Variants in CCDC91 observed in about 807,000 individuals in gnomAD.
CCDC91 encodes the protein coiled-coil domain-containing protein 91.
In CCDC91, 48 loss-of-function variants were observed where a neutral mutation model predicts 63.2. That is an observed-to-expected ratio of 0.76 (90% CI 0.60 to 0.97). The LOEUF (loss-of-function observed/expected upper bound fraction) is 0.97, where lower values mean the gene tolerates loss of function less well. Among genes scored for constraint, CCDC91 ranks in the 50% least tolerant of loss-of-function variants. The probability of loss-of-function intolerance (pLI) is 0.00; values close to 1 mark genes in which losing one functional copy is unlikely to be tolerated. For missense variants in CCDC91, 500 were observed against 494.6 expected (o/e 1.01, Z -0.10); for synonymous variants, 167 against 165.8 (o/e 1.01, Z -0.06).
rs1251650144 is a variant in CCDC91, at chr12:28,311,615, A to G, written c.576+3866A>G. Among the ~76,000 whole-genome samples, 3 of 152,074 alleles carry G rather than the reference A, an allele frequency of 2.0e-5. No homozygotes were observed. The East Asian group carries it at 5.8e-4, about 29-fold the overall frequency. On this transcript the variant is annotated intron_variant, in intron 6 of 12. Coordinates refer to ENST00000536442, the MANE Select transcript of CCDC91 (RefSeq NM_018318.5). ...CAGTGTCCTATAGGGACATTGTTCA[A>G]TAGGCCTACACTATGACTATTTAGA...
intron 3 of CCDC91, among the ~76,000 whole-genome samples, chr12:28,294,870 C>G (rs1229066258): frequency 6.6e-6 from 1 of 152,176 alleles, no homozygotes; most frequent in Non-Finnish European, 1.5e-5. Flanking sequence ...CAGGTTTGAG[C>G]TACTACGCTT....
intron 12 of CCDC91, among the ~76,000 whole-genome samples, chr12:28,519,745 G>A (rs1940391935): frequency 8.2e-6 from 1 of 121,384 alleles, no homozygotes; most frequent in Non-Finnish European, 1.6e-5. Flanking sequence ...ACAGGCCCCG[G>A]TGTGTGATGT....
At chr12:28,520,925 G>T (rs1203123408) in intron 12 of CCDC91, among the ~76,000 whole-genome samples, 3 of 152,036 alleles carry the variant, frequency 2.0e-5, no homozygotes, top group East Asian at 1.9e-4. Context: ...TGTTGCATTG[G>T]TCTATATCTC....
chr12:28,198,975 G>A (rs11049448), intron 1 of CCDC91: 39,450 of 150,388 alleles, frequency 0.26, 5,416 homozygotes, highest in Non-Finnish European at 0.31. Context: ...GTGTAGTGGC[G>A]CCATCATAGC....
At position 28,438,377 on chromosome 12, in the gene CCDC91, G is replaced by A. The variant is rs565018880; in HGVS notation, c.763-11784G>A. 4.6e-5 allele frequency among the ~76,000 whole-genome samples: 7 copies of A among 152,220 alleles called. No individual in the cohort carries two copies. The East Asian group carries it at 1.2e-3, about 25-fold the overall frequency. On this transcript the variant is annotated intron_variant, in intron 8 of 12. Transcript: ENST00000536442. ...GCCTTTGTCTGCTCAAGAGGACATAGCATTCATGGACCATCTTTGAAGCAG... is the reference window on the plus strand; with the variant it reads ...GCCTTTGTCTGCTCAAGAGGACATAACATTCATGGACCATCTTTGAAGCAG...
At chr12:28,272,493 T>C (rs768251835) in intron 3 of CCDC91, among the ~76,000 whole-genome samples, 14 of 151,990 alleles carry the variant, frequency 9.2e-5, no homozygotes, top group Non-Finnish European at 1.8e-4. Context: ...TTTTGGCTGT[T>C]CTGCCATCTG....
At chr12:28,385,757 C>T (rs1945560037) in intron 7 of CCDC91, among the ~76,000 whole-genome samples, 1 of 152,156 alleles carries the variant, frequency 6.6e-6, no homozygotes, top group Admixed American at 6.5e-5. Flanking sequence ...AGGCTGGAAT[C>T]AGATCTGAAA....
intron 6 of CCDC91, among the ~76,000 whole-genome samples, chr12:28,337,322 A>G (rs1355043557): frequency 6.6e-6 from 1 of 152,128 alleles, no homozygotes; most frequent in Non-Finnish European, 1.5e-5. Flanking sequence ...TACTGCTCCT[A>G]TAGCATTATC....
At chr12:28,414,974 T>C (rs1295593401) in intron 8 of CCDC91, among the ~76,000 whole-genome samples, 3 of 152,166 alleles carry the variant, frequency 2.0e-5, no homozygotes, top group Non-Finnish European at 4.4e-5. Context: ...ATTAAACTCT[T>C]TCTTTCTTTG....
At chr12:28,530,408 C>T (rs1941637016) in intron 12 of CCDC91, among the ~76,000 whole-genome samples, 2 of 152,226 alleles carry the variant, frequency 1.3e-5, no homozygotes, top group Admixed American at 1.3e-4. Context: ...GATTCTAGCT[C>T]CTAGCCTTTT....
intron 6 of CCDC91, among the ~76,000 whole-genome samples, chr12:28,326,771 C>T (rs953370839): frequency 6.6e-6 from 1 of 151,970 alleles, no homozygotes; most frequent in African/African-American, 2.4e-5. Flanking sequence ...ATAAATGAAA[C>T]CGGCTTTATT....
At chr12:28,389,321 T>C (rs1030376187) in intron 7 of CCDC91, among the ~76,000 whole-genome samples, 6 of 152,134 alleles carry the variant, frequency 3.9e-5, no homozygotes, top group African/African-American at 1.4e-4. Flanking sequence ...AAAATCCTTA[T>C]ATACCTACCT....
intron 8 of CCDC91, among the ~76,000 whole-genome samples, chr12:28,403,530 A>G (rs1170342193): frequency 6.6e-6 from 1 of 152,016 alleles, no homozygotes; most frequent in African/African-American, 2.4e-5. Flanking sequence ...CCATGACCCC[A>G]TATCTCTGGG....
chr12:28,212,836 A>G (rs1474787668), intron 1 of CCDC91, among the ~76,000 whole-genome samples: 1 of 152,240 alleles, frequency 6.6e-6, no homozygotes, highest in Non-Finnish European at 1.5e-5. Context: ...AGCAAAATTC[A>G]GTTTAATAGA....
rs368695408 is a variant in CCDC91 at position 28,455,578 on chromosome 12, G to C, written c.1101+2924G>C. Among the ~76,000 whole-genome samples, 38 of 151,930 alleles carry C rather than the reference G, an allele frequency of 2.5e-4. No individual in the cohort carries two copies. In the East Asian group the frequency reaches 6.2e-3, roughly 25 times the overall value. On this transcript the variant is annotated intron_variant, in intron 11 of 12. Transcript: ENST00000536442. ...ACAGATCATTATCTGATAACAATAA[G>C]GGAAACAATAATAGTTCCCCATGTT...
chr12:28,451,765 A>C (rs1395291153), intron 10 of CCDC91, among the ~76,000 whole-genome samples: 1 of 151,646 alleles, frequency 6.6e-6, no homozygotes, highest in Non-Finnish European at 1.5e-5. Flanking sequence ...TCATTATGAC[A>C]CCTAACCTTT....
At chr12:28,234,185 A>G (rs1287683741) in intron 1 of CCDC91, among the ~76,000 whole-genome samples, 2 of 152,192 alleles carry the variant, frequency 1.3e-5, no homozygotes, top group African/African-American at 2.4e-5. Flanking sequence ...TGAAAATGAT[A>G]TGTACATGCT....
intron 8 of CCDC91, among the ~76,000 whole-genome samples, chr12:28,411,337 T>G (rs1438781299): frequency 1.3e-5 from 2 of 152,348 alleles, no homozygotes; most frequent in African/African-American, 4.8e-5. Flanking sequence ...TATGGAAAAT[T>G]TCTTCCCCAT....
intron 6 of CCDC91, chr12:28,319,456 G>T (rs1364748394): frequency 6.6e-6 from 1 of 152,322 alleles, no homozygotes; most frequent in Non-Finnish European, 1.5e-5. Context: ...CTGCCATTGT[G>T]CAAAGTTAAA....
Sources: allele counts gnomAD v4.1 joint callset (sites outside exome capture counted in the v4.1 genomes callset), GRCh38; gene constraint gnomAD v4.1.1; transcripts MANE v1.5; gene names NCBI Gene and HGNC (gene_info 2026-07-23, HGNC 2026-07-21).